Variants in LGSN observed in about 807,000 individuals in gnomAD.
LGSN encodes the protein lengsin.
In LGSN, 21 loss-of-function variants were observed where a neutral mutation model predicts 19.5. The ratio of observed to expected loss-of-function variants is 1.07; its 90% CI spans 0.76 to 1.55. The LOEUF is 1.55. LGSN is among the 40% of genes most tolerant of loss of function. The probability of loss-of-function intolerance (pLI) is 0.00; values close to 1 mark genes in which losing one functional copy is unlikely to be tolerated. For missense variants in LGSN, 673 were observed against 608.5 expected (o/e 1.11, Z -1.12); for synonymous variants, 257 against 215.6 (o/e 1.19, Z -1.68).
the LGSN span, among the ~76,000 whole-genome samples, chr6:63,411,807 C>CCTG: frequency 1.3e-5 from 2 of 151,986 alleles, no homozygotes; most frequent in East Asian, 3.9e-4. Context: ...TGATGGTCCC[C>CCTG]CTGCACTCCA....
At chr6:63,416,469 CT>C in the LGSN span, among the ~76,000 whole-genome samples, 1 of 152,170 alleles carries the variant, frequency 6.6e-6, no homozygotes, top group Non-Finnish European at 1.5e-5. Context: ...ATTTAAAATT[CT>C]TAGAGTAGCT....
chr6:63,343,020 T>G, the LGSN span, among the ~76,000 whole-genome samples: 1 of 152,246 alleles, frequency 6.6e-6, no homozygotes, highest in South Asian at 2.1e-4. Context: ...TGAGACATTT[T>G]CAGATTCACT....
chr6:63,483,821 C>A, the LGSN span, among the ~76,000 whole-genome samples: 5 of 150,012 alleles, frequency 3.3e-5, no homozygotes, highest in Admixed American at 3.3e-4. Flanking sequence ...TTTTCTTTTT[C>A]TTTTCTTTTT....
At chr6:63,358,189 C>T in the LGSN span, among the ~76,000 whole-genome samples, 4 of 151,986 alleles carry the variant, frequency 2.6e-5, no homozygotes, top group South Asian at 2.1e-4. Flanking sequence ...TCCATTGGTC[C>T]ATATCTATGT....
chr6:63,307,903 C>A (rs984532961), intron 1 of LGSN, among the ~76,000 whole-genome samples: 1 of 152,166 alleles, frequency 6.6e-6, no homozygotes, highest in African/African-American at 2.4e-5. Context: ...GCATATCAAG[C>A]AGTCCGAGGA....
chr6:63,441,316 G>T, the LGSN span: 4 of 469,340 alleles, frequency 8.5e-6, no homozygotes, highest in African/African-American at 6.0e-5. Context: ...GCAGACTTGG[G>T]CCGTTTGGTC....
the LGSN span, among the ~76,000 whole-genome samples, chr6:63,461,752 C>T: frequency 6.6e-6 from 1 of 152,174 alleles, no homozygotes; most frequent in Middle Eastern, 3.2e-3. Flanking sequence ...TATAGCTTCT[C>T]TACTTTCTAT....
the LGSN span, among the ~76,000 whole-genome samples, chr6:63,456,390 T>TATATATAC: frequency 1.6e-5 from 2 of 125,266 alleles, no homozygotes; most frequent in Non-Finnish European, 3.3e-5. Flanking sequence ...TATATATATA[T>TATATATAC]ATACTTTTTT....
At chr6:63,566,183 T>C in the LGSN span, among the ~76,000 whole-genome samples, 1 of 152,336 alleles carries the variant, frequency 6.6e-6, no homozygotes, top group East Asian at 1.9e-4. Context: ...CCAAACCATT[T>C]GAAGACAGGG....
the LGSN span, among the ~76,000 whole-genome samples, chr6:63,512,421 C>A: frequency 2.2e-4 from 33 of 152,296 alleles, no homozygotes; most frequent in Admixed American, 1.9e-3. Flanking sequence ...AGTCCTCAAG[C>A]CTTATCCTTC....
the LGSN span, among the ~76,000 whole-genome samples, chr6:63,457,599 C>CGG: frequency 6.6e-6 from 1 of 152,104 alleles, no homozygotes; most frequent in South Asian, 2.1e-4. Context: ...CAAATCAGGC[C>CGG]GGGCATGGTG....
chr6:63,339,978 T>A, the LGSN span, among the ~76,000 whole-genome samples: 2 of 152,194 alleles, frequency 1.3e-5, no homozygotes, highest in African/African-American at 2.4e-5. Flanking sequence ...TTTTTGCTTT[T>A]CTTATAAAGA....
At chr6:63,360,805 C>T in the LGSN span, among the ~76,000 whole-genome samples, 5 of 152,084 alleles carry the variant, frequency 3.3e-5, no homozygotes, top group African/African-American at 1.2e-4. Flanking sequence ...CTTTGGTCTT[C>T]GATGATGGTG....
At chr6:63,364,075 A>T in the LGSN span, among the ~76,000 whole-genome samples, 1 of 152,192 alleles carries the variant, frequency 6.6e-6, no homozygotes, top group Non-Finnish European at 1.5e-5. Context: ...TTCACACATA[A>T]CAATATTAAC....
the LGSN span, among the ~76,000 whole-genome samples, chr6:63,461,614 A>C: frequency 6.6e-6 from 1 of 152,260 alleles, no homozygotes; most frequent in East Asian, 1.9e-4. Flanking sequence ...CCTCCAGAAG[A>C]GATATGCTGC....
At chr6:63,389,414 G>T in the LGSN span, among the ~76,000 whole-genome samples, 2 of 152,178 alleles carry the variant, frequency 1.3e-5, no homozygotes, top group African/African-American at 4.8e-5. Flanking sequence ...ACTACACTCA[G>T]TCTAGAACAT....
intron 1 of LGSN, among the ~76,000 whole-genome samples, chr6:63,317,062 T>A (rs1768896440): frequency 6.6e-6 from 1 of 152,146 alleles, no homozygotes; most frequent in Non-Finnish European, 1.5e-5. Flanking sequence ...GTATATTATA[T>A]ATAATTGTTA....
the LGSN span, among the ~76,000 whole-genome samples, chr6:63,530,218 C>CT: frequency 2.6e-4 from 40 of 152,044 alleles, no homozygotes; most frequent in African/African-American, 9.6e-4. Context: ...TTACTTAACA[C>CT]TTTTTTTTCA....
the LGSN span, among the ~76,000 whole-genome samples, chr6:63,353,857 AT>A: frequency 6.6e-6 from 1 of 151,944 alleles, no homozygotes. Context: ...AAGGCAACTG[AT>A]TTTTTTTATA....
Sources: gnomAD v4.1 joint callset for allele counts (sites outside exome capture counted in the v4.1 genomes callset) on GRCh38, gnomAD v4.1.1 for gene constraint, MANE v1.5 for transcripts, NCBI Gene and HGNC (gene_info 2026-07-23, HGNC 2026-07-21) for gene names.